YY1AP1: variants seen among roughly 807,000 people sequenced by gnomAD.
YY1AP1 encodes the protein YY1 associated protein 1, also known as YY1-associated protein 1.
In YY1AP1, 43 loss-of-function variants were observed where a neutral mutation model predicts 39.9. The observed-to-expected ratio is 1.08, with a 90% CI of 0.84 to 1.39. The LOEUF (loss-of-function observed/expected upper bound fraction) is 1.39. Among genes scored for constraint, YY1AP1 ranks in the 40% most tolerant of loss-of-function variants. The pLI, the probability that YY1AP1 is intolerant of heterozygous loss-of-function variation, is 0.00. For missense variants in YY1AP1, 813 were observed against 900.7 expected, an observed-to-expected ratio of 0.90 and a Z score of 1.25; for synonymous variants, 292 against 331.3, an observed-to-expected ratio of 0.88 and a Z score of 1.29.
chr1:155,679,677 C>T, intron 3 of YY1AP1, 165 bp from the exon 4 acceptor site: 2 of 985,426 alleles, frequency 2.0e-6, no homozygotes, highest in Non-Finnish European at 2.4e-6. Context: ...TACAAACCCA[C>T]ATATGGAATG....
intron 7 of YY1AP1, 26 bp downstream of exon 7, chr1:155,672,534 T>C: frequency 1.9e-6 from 3 of 1,606,478 alleles, no homozygotes; most frequent in Non-Finnish European, 2.6e-6. Flanking sequence ...AAGTAAAAAC[T>C]TAAAGCTGAC....
chr1:155,673,836 A>G (rs1458260331), intron 6 of YY1AP1, among the ~76,000 whole-genome samples: 7 of 151,984 alleles, frequency 4.6e-5, no homozygotes, highest in Admixed American at 2.0e-4. Context: ...TACAGGCATG[A>G]GCCACCATAC....
intron 6 of YY1AP1, 155 bp from the exon 7 acceptor site, chr1:155,672,886 T>C: frequency 1.0e-6 from 1 of 1,001,510 alleles, no homozygotes; most frequent in East Asian, 2.6e-5. Context: ...CTGTTAAGAT[T>C]ATGCCTGAGT....
Position 155,676,683 on chromosome 1 carries a change from T to C in YY1AP1, c.189A>G (p.Glu63=). The C allele has an allele frequency of 1.2e-6, 2 of 1,614,222 alleles. No individual in the cohort carries two copies. Among genetic ancestry groups the C allele is most frequent in the East Asian group, 2.2e-5 (1 of 44,880 alleles). ...EQHQIAKELF[E]QLKMKKPSAK... is the part of the protein sequence containing the mutation. ...CTGAAGGTTTCTTCATCTTCAGCTG[T>C]TCAAATAGTTCCTTCGCTATCTGAT... Residue 63 remains glutamate, a synonymous_variant, in exon 5 of 11, where the codon GAA becomes GAG. Transcript: ENST00000355499.
intron 2 of YY1AP1, among the ~76,000 whole-genome samples, chr1:155,686,006 C>T (rs1281098314): frequency 6.7e-6 from 1 of 149,020 alleles, no homozygotes; most frequent in Non-Finnish European, 1.5e-5. Flanking sequence ...TAGACGGGAT[C>T]CTTACTACAT....
chr1:155,684,296 T>TA (rs912268610), intron 2 of YY1AP1, among the ~76,000 whole-genome samples: 1 of 151,992 alleles, frequency 6.6e-6, no homozygotes, highest in African/African-American at 2.4e-5. Context: ...TAATCTCAAT[T>TA]AAAAAAATAA....
intron 8 of YY1AP1, 38 bp from the exon 9 acceptor site, chr1:155,668,815 G>C (rs752722530): frequency 1.9e-6 from 3 of 1,613,922 alleles, no homozygotes; most frequent in Non-Finnish European, 2.5e-6. Flanking sequence ...TCACTTCACA[G>C]TCCTTCCTTC....
At chr1:155,677,143 C>T (rs1650814663) in intron 4 of YY1AP1, among the ~76,000 whole-genome samples, 1 of 152,162 alleles carries the variant, frequency 6.6e-6, no homozygotes, top group African/African-American at 2.4e-5. Context: ...TCCAGCTTGT[C>T]CCATTATCCT....
chr1:155,676,761 G>T lies in YY1AP1; in HGVS notation c.126-15C>A, dbSNP rs773743956. 6.2e-7 allele frequency: 1 copy of T among 1,613,396 alleles called. No homozygotes were observed. The highest frequency in any genetic ancestry group is 8.5e-7 in the Non-Finnish European group (1 of 1,179,680). The stretch of plus-strand genomic sequence containing the variant: ...GTTCCTCAAACCTATCCCAAACGGG[G>T]ATGACTGAATTTGAGTGTTTTCCTA... On this transcript the variant is annotated splice_polypyrimidine_tract_variant and intron_variant, in intron 4 of 10. Coordinates refer to ENST00000355499, the MANE Select transcript of YY1AP1 (RefSeq NM_139119.3).
At chr1:155,661,947 C>T (rs902114725) in intron 9 of YY1AP1, among the ~76,000 whole-genome samples, 3 of 152,192 alleles carry the variant, frequency 2.0e-5, no homozygotes, top group Admixed American at 6.5e-5. Flanking sequence ...TCAGCCACCG[C>T]GCCCAGCCCT....
upstream of YY1AP1, chr1:155,688,928 A>C (rs1264843486): frequency 1.2e-6 from 2 of 1,612,206 alleles, no homozygotes; most frequent in Admixed American, 3.3e-5. Flanking sequence ...ATGACAACCT[A>C]CCTCCCTGGG....
intron 9 of YY1AP1, among the ~76,000 whole-genome samples, chr1:155,667,929 TACATACAGAC>T (rs1282431196): frequency 6.7e-6 from 1 of 150,072 alleles, no homozygotes; most frequent in African/African-American, 2.5e-5. Flanking sequence ...CATACATACA[TACATACAGAC>T]ACAGACACAC....
Position 155,688,434 on chromosome 1 carries a change from A to G in YY1AP1, c.-152+225T>C, listed in dbSNP as rs564498010. ...CTCCTCCCTCCTCGCGTTCTTCCCC[A>G]CGGTCCCCCGCTTCGCCCGACTCCG... On this transcript the variant is annotated intron_variant, in intron 1 of 10. Transcript: ENST00000355499. The G allele has an allele frequency of 1.4e-5, 21 of 1,547,356 alleles. No individual in the cohort carries two copies. The South Asian group carries it at 2.5e-4, about 18-fold the overall frequency.
At chr1:155,671,961 A>G (rs77880209) in intron 7 of YY1AP1, among the ~76,000 whole-genome samples, 3,525 of 152,326 alleles carry the variant, frequency 0.023, 83 homozygotes, top group Non-Finnish European at 0.035. Flanking sequence ...ACAAATCAGA[A>G]GTAAATATTT....
intron 8 of YY1AP1, among the ~76,000 whole-genome samples, 183 bp from the exon 9 acceptor site, chr1:155,668,960 C>G (rs1188815112): frequency 6.6e-6 from 1 of 152,174 alleles, no homozygotes; most frequent in Non-Finnish European, 1.5e-5. Context: ...ACTTCCTAAG[C>G]TGAAGCGATT....
intron 9 of YY1AP1, among the ~76,000 whole-genome samples, chr1:155,662,404 T>A (rs1390584809): frequency 6.6e-6 from 1 of 151,224 alleles, no homozygotes; most frequent in Non-Finnish European, 1.5e-5. Context: ...GGCAAAAGAA[T>A]CGCTTGAACC....
chr1:155,668,455 TAATG>T (rs1450563331), intron 9 of YY1AP1, among the ~76,000 whole-genome samples, 168 bp downstream of exon 9: 7 of 152,294 alleles, frequency 4.6e-5, no homozygotes, highest in African/African-American at 1.4e-4. Flanking sequence ...CAGAGGAACG[TAATG>T]AATGAATCAA....
intron 9 of YY1AP1, among the ~76,000 whole-genome samples, chr1:155,665,278 AT>A (rs1399403143): frequency 6.6e-6 from 1 of 151,432 alleles, no homozygotes; most frequent in Non-Finnish European, 1.5e-5. Context: ...TCAGAAAAAA[AT>A]TTTTTTTAAA....
intron 6 of YY1AP1, among the ~76,000 whole-genome samples, chr1:155,672,946 C>T (rs1650074809): frequency 6.6e-6 from 1 of 152,120 alleles, no homozygotes; most frequent in Non-Finnish European, 1.5e-5. Context: ...AACTGTTTCT[C>T]ACTAAGGAAT....
Sources: gnomAD v4.1 joint callset for allele counts (sites outside exome capture counted in the v4.1 genomes callset) on GRCh38, gnomAD v4.1.1 for gene constraint, MANE v1.5 for transcripts, NCBI Gene and HGNC (gene_info 2026-07-23, HGNC 2026-07-21) for gene names.